HNF4A: variants seen among roughly 807,000 people sequenced by gnomAD.
HNF4A encodes hepatocyte nuclear factor 4 alpha, also known as hepatocyte nuclear factor 4-alpha.
HNF4A carries 15 observed loss-of-function variants against 52.4 expected under a neutral mutation model. The ratio of observed to expected loss-of-function variants is 0.29; its 90% CI spans 0.19 to 0.44. The LOEUF (loss-of-function observed/expected upper bound fraction) is 0.44. Ranked by LOEUF, HNF4A falls within the 20% of genes least tolerant of loss-of-function variation. The pLI is 1.00. For synonymous variants in HNF4A, 280 were observed against 264.4 expected (o/e 1.06, Z -0.57); for missense variants, 479 against 647.2 (o/e 0.74, Z 2.82).
Position 44,362,283 on chromosome 20 carries a change from G to GGT in HNF4A, c.49+6432_49+6433dup, listed in dbSNP as rs149350883. Among the ~76,000 whole-genome samples the GGT allele has an allele frequency of 7.1e-3, 1,081 of 152,046 alleles. 7 individuals are homozygous for GGT. Among genetic ancestry groups the GGT allele is most frequent in the African/African-American group, 0.025 (1,039 of 41,466 alleles). On this transcript the variant is annotated intron_variant, in intron 1 of 9. Transcript: ENST00000316673. ...AAGCATACAAAAATTAGCTGGACGT[G>GGT]GTGCCAGGCGCCTGTAATCCCAGCT...
chr20:44,368,611 G>A (rs760509798), intron 1 of HNF4A, among the ~76,000 whole-genome samples: 1 of 152,076 alleles, frequency 6.6e-6, no homozygotes, highest in Non-Finnish European at 1.5e-5. Flanking sequence ...GCTGCTCAAG[G>A]GGATAGAGGC....
rs1287277602 is a variant in HNF4A, at chr20:44,429,693, T to C, written c.*28T>C. 1 of 1,612,414 alleles carries C rather than the reference T, an allele frequency of 6.2e-7. No homozygotes were observed. Among genetic ancestry groups the C allele is most frequent in the African/African-American group, 1.3e-5 (1 of 74,944 alleles). On this transcript the variant is annotated 3_prime_UTR_variant, in exon 10 of 10. Transcript: ENST00000316099. The stretch of plus-strand genomic sequence containing the variant: ...AGCCGCTGGGGCTTGGGGGCTCCAC[T>C]GGCTCCCCCCAGCCCCCTAAGAGAG...
At chr20:44,381,127 C>T (rs539894127) in intron 1 of HNF4A, among the ~76,000 whole-genome samples, 19 of 152,134 alleles carry the variant, frequency 1.2e-4, no homozygotes, top group South Asian at 8.3e-4. Flanking sequence ...CTTCCAATGA[C>T]GGAATACTCA....
chr20:44,431,160 G>A lies in HNF4A; in HGVS notation c.*1495G>A, dbSNP rs1301120063. ...CAGGACTTGAACCCAGGTCTCCCTGGATCAGAACAGGAGCTCTTAACTACA... is the reference window on the plus strand; with the variant it reads ...CAGGACTTGAACCCAGGTCTCCCTGAATCAGAACAGGAGCTCTTAACTACA... On this transcript the variant is annotated 3_prime_UTR_variant, in exon 10 of 10. Coordinates refer to ENST00000316099, the MANE Select transcript of HNF4A (RefSeq NM_000457.6). The A allele has an allele frequency of 6.6e-6, 1 of 152,084 alleles. No individual in the cohort carries two copies. The allele number at this position is 152,084 out of a possible 1,614,324, so 9.4% of individuals were successfully genotyped here.
At chr20:44,392,217 C>G (rs1347292991) in intron 1 of HNF4A, 1 of 152,198 alleles carries the variant, frequency 6.6e-6, no homozygotes, top group Non-Finnish European at 1.5e-5. Context: ...GTGCCAAGCA[C>G]TGTCTGAACA....
chr20:44,360,315 C>T (rs965175809), intron 1 of HNF4A, among the ~76,000 whole-genome samples: 1 of 151,948 alleles, frequency 6.6e-6, no homozygotes, highest in African/African-American at 2.4e-5. Context: ...GGAGAAATAG[C>T]TGGATGGATG....
At chr20:44,382,368 A>G (rs2063166229) in intron 1 of HNF4A, among the ~76,000 whole-genome samples, 1 of 151,836 alleles carries the variant, frequency 6.6e-6, no homozygotes, top group South Asian at 2.1e-4. Flanking sequence ...CCTCCCAAGT[A>G]GCTGGGACTA....
chr20:44,420,995 T>A (rs2063736685), intron 7 of HNF4A, among the ~76,000 whole-genome samples: 1 of 152,222 alleles, frequency 6.6e-6, no homozygotes, highest in South Asian at 2.1e-4. Context: ...CTTATATTTG[T>A]TGATGCATCC....
Position 44,406,119 on chromosome 20 carries a change from G to T in HNF4A, c.177G>T (p.Leu59=), listed in dbSNP as rs2063496608. The T allele has an allele frequency of 6.2e-7, 1 of 1,613,754 alleles. No homozygotes were observed. Among genetic ancestry groups the T allele is most frequent in the Non-Finnish European group, 8.5e-7 (1 of 1,180,030 alleles). The change falls in exon 2 of 10, where the codon CTG becomes CTT. Residue 59 remains leucine (L), a synonymous_variant. Coordinates refer to ENST00000316099, the MANE Select transcript of HNF4A (RefSeq NM_000457.6). ...CCAACAGCCTGGGTGTCAGCGCCCT[G>T]TGTGCCATCTGCGGGGACCGGGCCA...
At position 44,355,934 on chromosome 20, in the gene HNF4A, T is replaced by C. The variant is rs550847005; in HGVS notation, c.49+81T>C. 2.0e-4 allele frequency: 243 copies of C among 1,245,206 alleles called. 2 individuals are homozygous for C. The East Asian group carries it at 5.8e-3, about 30-fold the overall frequency. The allele number at this position is 1,245,206 out of a possible 1,614,324, so 77.1% of individuals were successfully genotyped here. On this transcript the variant is annotated intron_variant, in intron 1 of 9. Transcript: ENST00000316673. ...GCCATGGGACACCTCCCCGTGTGTT[T>C]CTTACGGGCCCAAAGCTCCTCCTGG... is the stretch of plus-strand genomic sequence containing the variant.
intron 1 of HNF4A, among the ~76,000 whole-genome samples, chr20:44,366,942 G>A (rs901091563): frequency 6.6e-6 from 1 of 152,182 alleles, no homozygotes; most frequent in African/African-American, 2.4e-5. Context: ...GGCATCAGAA[G>A]GCCCAGATCT....
intron 1 of HNF4A, among the ~76,000 whole-genome samples, chr20:44,389,305 T>G (rs2063273184): frequency 6.6e-6 from 1 of 152,150 alleles, no homozygotes; most frequent in East Asian, 1.9e-4. Context: ...AACCCGCCTC[T>G]CCACCAAAAC....
chr20:44,411,405 G>A (rs955492131), intron 3 of HNF4A, among the ~76,000 whole-genome samples: 2 of 152,156 alleles, frequency 1.3e-5, no homozygotes, highest in African/African-American at 4.8e-5. Context: ...CACTGATAAC[G>A]CCCGCCTAAC....
chr20:44,430,770 A>G lies in HNF4A; in HGVS notation c.*1105A>G, dbSNP rs1280404730. ...AGAGGACGGGAGGCTGGAAGCTGGG[A>G]GGTCAGGTGGGGTGGATGATATAAT... On this transcript the variant is annotated 3_prime_UTR_variant, in exon 10 of 10. Coordinates refer to ENST00000316099, the MANE Select transcript of HNF4A (RefSeq NM_000457.6). 1 of 152,618 alleles carries G rather than the reference A, an allele frequency of 6.6e-6. No individual in the cohort carries two copies. The highest frequency in any genetic ancestry group is 1.5e-5 in the Non-Finnish European group (1 of 68,302). 9.5% of individuals were successfully genotyped at this position (152,618 alleles called of 1,614,324 possible).
At chr20:44,418,786 T>C (rs2063702603) in intron 6 of HNF4A, among the ~76,000 whole-genome samples, 1 of 152,124 alleles carries the variant, frequency 6.6e-6, no homozygotes, top group Admixed American at 6.5e-5. Flanking sequence ...TGTGCATCCT[T>C]TTTTCTTTTG....
At chr20:44,369,249 CAAAAA>C (rs751374772) in intron 1 of HNF4A, among the ~76,000 whole-genome samples, 2 of 24,824 alleles carry the variant, frequency 8.1e-5, no homozygotes, top group African/African-American at 1.8e-4. Flanking sequence ...AACTCCATCT[CAAAAA>C]AAAAAAAAAA....
chr20:44,359,067 G>A (rs986278791), intron 1 of HNF4A, among the ~76,000 whole-genome samples: 4 of 152,138 alleles, frequency 2.6e-5, no homozygotes, highest in African/African-American at 4.8e-5. Flanking sequence ...TATAAACTCC[G>A]TGAGTTCTGG....
At chr20:44,418,660 T>C (rs893033040) in intron 6 of HNF4A, 148 bp downstream of exon 6, 2 of 631,008 alleles carry the variant, frequency 3.2e-6, no homozygotes, top group East Asian at 2.7e-5. Context: ...ATTAGAGGGC[T>C]CCAGGACTCA....
intron 1 of HNF4A, among the ~76,000 whole-genome samples, chr20:44,394,904 T>C (rs1329152781): frequency 1.3e-5 from 2 of 152,212 alleles, no homozygotes; most frequent in East Asian, 3.9e-4. Context: ...TTAATCAGGC[T>C]AAGGACAGGG....
Sources: gnomAD v4.1 joint callset for allele counts (sites outside exome capture counted in the v4.1 genomes callset) on GRCh38, gnomAD v4.1.1 for gene constraint, MANE v1.5 for transcripts, NCBI Gene and HGNC (gene_info 2026-07-23, HGNC 2026-07-21) for gene names.